SPMIP2: variants seen among roughly 807,000 people sequenced by gnomAD.
SPMIP2 encodes sperm microtubule inner protein 2.
chr4:159,025,682 CA>C, the SPMIP2 span, among the ~76,000 whole-genome samples: 1 of 152,106 alleles, frequency 6.6e-6, no homozygotes, highest in Non-Finnish European at 1.5e-5. Flanking sequence ...CAATCTCCCC[CA>C]GATAATCAAC....
chr4:158,927,898 C>T, the SPMIP2 span, among the ~76,000 whole-genome samples: 1 of 152,202 alleles, frequency 6.6e-6, no homozygotes, highest in Non-Finnish European at 1.5e-5. Context: ...AGCCCACCTG[C>T]GCTGCACTCG....
the SPMIP2 span, among the ~76,000 whole-genome samples, chr4:158,977,322 G>A: frequency 6.6e-6 from 1 of 152,150 alleles, no homozygotes; most frequent in East Asian, 1.9e-4. Context: ...TTTAGTTTGG[G>A]AGGGGGTATG....
chr4:159,048,761 G>GT, the SPMIP2 span, among the ~76,000 whole-genome samples: 1,067 of 125,140 alleles, frequency 8.5e-3, 22 homozygotes, highest in African/African-American at 0.032. Flanking sequence ...TTTTGAGAGA[G>GT]TGTCCCTATG....
At chr4:159,018,244 C>T in the SPMIP2 span, among the ~76,000 whole-genome samples, 19 of 152,316 alleles carry the variant, frequency 1.2e-4, no homozygotes, top group African/African-American at 4.1e-4. Context: ...TAACAGCCCA[C>T]GTGGCTGCAG....
chr4:159,036,261 A>G, the SPMIP2 span, among the ~76,000 whole-genome samples: 1 of 152,222 alleles, frequency 6.6e-6, no homozygotes, highest in Middle Eastern at 3.2e-3. Context: ...AGGCAAAGAG[A>G]TGTGCTACTC....
chr4:159,013,730 T>C, the SPMIP2 span, among the ~76,000 whole-genome samples: 1 of 151,364 alleles, frequency 6.6e-6, no homozygotes, highest in Non-Finnish European at 1.5e-5. Context: ...GGGATAAAAA[T>C]TCAGATCATA....
chr4:158,974,626 AG>A, the SPMIP2 span, among the ~76,000 whole-genome samples: 1 of 152,166 alleles, frequency 6.6e-6, no homozygotes, highest in African/African-American at 2.4e-5. Context: ...GTCCCTCCAA[AG>A]GATATGAACT....
the SPMIP2 span, among the ~76,000 whole-genome samples, chr4:158,977,173 C>T: frequency 6.6e-6 from 1 of 152,094 alleles, no homozygotes; most frequent in Admixed American, 6.5e-5. Context: ...AGGAATGGTA[C>T]CAGCTCCACT....
the SPMIP2 span, among the ~76,000 whole-genome samples, chr4:158,925,152 T>G: frequency 6.6e-6 from 1 of 152,234 alleles, no homozygotes; most frequent in Admixed American, 6.5e-5. Context: ...AATTTACCAG[T>G]GAAGTTATTC....
chr4:159,074,915 C>T, the SPMIP2 span, among the ~76,000 whole-genome samples: 1 of 152,040 alleles, frequency 6.6e-6, no homozygotes, highest in African/African-American at 2.4e-5. Context: ...GTGGGGAAAC[C>T]ACAGTGATGC....
the SPMIP2 span, among the ~76,000 whole-genome samples, chr4:158,925,957 C>G: frequency 6.6e-6 from 1 of 152,118 alleles, no homozygotes; most frequent in Non-Finnish European, 1.5e-5. Flanking sequence ...GTGGAAGGGT[C>G]TCTCTCAAGC....
chr4:159,080,204 CTTTA>C, the SPMIP2 span, among the ~76,000 whole-genome samples: 86,554 of 149,394 alleles, frequency 0.58, 25,421 homozygotes, highest in African/African-American at 0.68. Flanking sequence ...ACAACAAAGA[CTTTA>C]TTTATTTATT....
At chr4:158,982,739 T>C in the SPMIP2 span, among the ~76,000 whole-genome samples, 5 of 151,944 alleles carry the variant, frequency 3.3e-5, no homozygotes, top group African/African-American at 1.2e-4. Context: ...TAGAGGGAAA[T>C]TTATAGAGTA....
the SPMIP2 span, chr4:158,907,235 TAC>T: frequency 6.6e-6 from 1 of 152,268 alleles, no homozygotes; most frequent in Non-Finnish European, 1.5e-5. Flanking sequence ...GTAGCTTCCA[TAC>T]TTGTGCATAA....
chr4:158,995,939 A>G, the SPMIP2 span, among the ~76,000 whole-genome samples: 1 of 151,482 alleles, frequency 6.6e-6, no homozygotes, highest in South Asian at 2.1e-4. Flanking sequence ...TTAAAGTACA[A>G]TTTGATCTGT....
the SPMIP2 span, among the ~76,000 whole-genome samples, chr4:159,076,018 G>T: frequency 6.6e-6 from 1 of 152,174 alleles, no homozygotes; most frequent in Non-Finnish European, 1.5e-5. Flanking sequence ...TTTCTCTAAT[G>T]ATGGGGACGG....
chr4:158,989,943 G>A, the SPMIP2 span, among the ~76,000 whole-genome samples: 18 of 152,248 alleles, frequency 1.2e-4, no homozygotes, highest in Admixed American at 1.0e-3. Context: ...GAGTGAACAG[G>A]CAACCTACAG....
the SPMIP2 span, among the ~76,000 whole-genome samples, chr4:158,976,659 ATTTTTTTT>A: frequency 4.2e-5 from 4 of 94,728 alleles, no homozygotes; most frequent in African/African-American, 4.8e-5. Context: ...ATGGATAAGC[ATTTTTTTT>A]TTTTTTTTTT....
At chr4:159,004,680 G>A in the SPMIP2 span, among the ~76,000 whole-genome samples, 10 of 152,142 alleles carry the variant, frequency 6.6e-5, no homozygotes, top group East Asian at 5.8e-4. Flanking sequence ...ATAATAATGG[G>A]AATTCTGGCA....
Sources: gnomAD v4.1 joint callset for allele counts (sites outside exome capture counted in the v4.1 genomes callset) on GRCh38, gnomAD v4.1.1 for gene constraint, MANE v1.5 for transcripts, NCBI Gene and HGNC (gene_info 2026-07-23, HGNC 2026-07-21) for gene names.